The following CTDSPL2 variants were observed in gnomAD, a reference collection of about 807,000 sequenced individuals.
CTDSPL2 encodes the protein CTD small phosphatase like 2.
CTDSPL2 carries 5 observed loss-of-function variants against 60.0 expected under a neutral mutation model. That is an observed-to-expected ratio of 0.08 (90% CI 0.04 to 0.18). The LOEUF (loss-of-function observed/expected upper bound fraction) is 0.18, where lower values mean the gene tolerates loss of function less well. Ranked by LOEUF, CTDSPL2 falls within the 10% of genes least tolerant of loss-of-function variation. CTDSPL2 has a pLI of 1.00. For missense variants in CTDSPL2, 370 were observed against 548.8 expected, an observed-to-expected ratio of 0.67 and a Z score of 3.26; for synonymous variants, 186 against 189.3, an observed-to-expected ratio of 0.98 and a Z score of 0.14.
chr15:44,495,291 T>A (rs931217325), intron 5 of CTDSPL2, among the ~76,000 whole-genome samples: 1 of 152,206 alleles, frequency 6.6e-6, no homozygotes, highest in South Asian at 2.1e-4. Context: ...TTTTTTAAGA[T>A]TATAGTCGTG....
chr15:44,445,858 C>T (rs1049059278), intron 1 of CTDSPL2, among the ~76,000 whole-genome samples: 1 of 149,988 alleles, frequency 6.7e-6, no homozygotes, highest in South Asian at 2.1e-4. Context: ...AGGCTGGTCT[C>T]GAATGCCTGA....
chr15:44,507,789 C>T (rs991425589), intron 8 of CTDSPL2, among the ~76,000 whole-genome samples: 1 of 152,214 alleles, frequency 6.6e-6, no homozygotes, highest in African/African-American at 2.4e-5. Context: ...CATACTCACT[C>T]CAGCTCTTCT....
intron 5 of CTDSPL2, among the ~76,000 whole-genome samples, chr15:44,492,021 T>G (rs1441848574): frequency 6.6e-6 from 1 of 151,648 alleles, no homozygotes. Flanking sequence ...GTGACACCAC[T>G]CCCAGCTATT....
chr15:44,498,642 G>C (rs2081340554), intron 7 of CTDSPL2, among the ~76,000 whole-genome samples: 1 of 152,152 alleles, frequency 6.6e-6, no homozygotes, highest in East Asian at 1.9e-4. Context: ...GCTCACGCTT[G>C]TAATCCCAGC....
At chr15:44,432,447 G>T (rs750143855) in intron 1 of CTDSPL2, among the ~76,000 whole-genome samples, 1 of 150,610 alleles carries the variant, frequency 6.6e-6, no homozygotes, top group Non-Finnish European at 1.5e-5. Flanking sequence ...AGCCTCCCAG[G>T]TAGCTAGGAT....
intron 12 of CTDSPL2, among the ~76,000 whole-genome samples, chr15:44,522,944 G>A (rs1322723090): frequency 6.6e-6 from 1 of 152,042 alleles, no homozygotes; most frequent in Non-Finnish European, 1.5e-5. Context: ...GGCCTCTATT[G>A]CTTGATGAAA....
chr15:44,488,264 A>G (rs1461893865), intron 4 of CTDSPL2, among the ~76,000 whole-genome samples: 1 of 152,190 alleles, frequency 6.6e-6, no homozygotes, highest in Admixed American at 6.5e-5. Context: ...TGAAGAGGCC[A>G]TAGGCAGGTA....
chr15:44,494,555 T>G (rs2081265932), intron 5 of CTDSPL2, among the ~76,000 whole-genome samples: 1 of 151,472 alleles, frequency 6.6e-6, no homozygotes, highest in Non-Finnish European at 1.5e-5. Context: ...CAGTGTTTGC[T>G]CCACTGTGCT....
At chr15:44,486,747 G>T (rs1243437430) in intron 4 of CTDSPL2, 47 bp downstream of exon 4, 3 of 1,239,624 alleles carry the variant, frequency 2.4e-6, no homozygotes, top group Non-Finnish European at 3.3e-6. Context: ...TTAAAAAAAT[G>T]CATAGTTTGG....
At chr15:44,523,228 C>A (rs151059773) in intron 12 of CTDSPL2, among the ~76,000 whole-genome samples, 15 of 152,230 alleles carry the variant, frequency 9.9e-5, no homozygotes, top group African/African-American at 3.6e-4. Flanking sequence ...AACTCCTGAC[C>A]TCAGGTAATC....
chr15:44,509,574 A>G (rs1227676368), intron 8 of CTDSPL2, among the ~76,000 whole-genome samples: 3 of 152,162 alleles, frequency 2.0e-5, no homozygotes, highest in African/African-American at 7.2e-5. Context: ...TCTATATACA[A>G]TTTTTATCTT....
At chr15:44,486,888 C>T (rs1351686324) in intron 4 of CTDSPL2, among the ~76,000 whole-genome samples, 188 bp downstream of exon 4, 2 of 151,408 alleles carry the variant, frequency 1.3e-5, no homozygotes, top group East Asian at 3.9e-4. Context: ...CTCAGCCTTA[C>T]AAGTAGGTGG....
chr15:44,434,127 C>G lies in CTDSPL2; in HGVS notation c.-25+6355C>G, dbSNP rs62024134. Among the ~76,000 whole-genome samples the G allele has an allele frequency of 4.1e-3, 623 of 151,600 alleles. 2 individuals are homozygous for G. Among genetic ancestry groups the G allele is most frequent in the Non-Finnish European group, 7.2e-3 (491 of 67,890 alleles). ...CTTAAGAGATAGGGTCTTGACTGGG[C>G]GTGGTGGCTCACGCTTGTAATCCCA... On this transcript the variant is annotated intron_variant, in intron 1 of 12. Transcript: ENST00000260327.
chr15:44,427,824 C>T (rs1205089887), intron 1 of CTDSPL2, 52 bp downstream of exon 1: 2 of 397,510 alleles, frequency 5.0e-6, no homozygotes, highest in African/African-American at 4.1e-5. Flanking sequence ...AGTCCTCCTC[C>T]TCTTCCAGGG....
Position 44,439,505 on chromosome 15 carries a change from A to T in CTDSPL2, c.-25+11733A>T, listed in dbSNP as rs193266388. On this transcript the variant is annotated intron_variant, in intron 1 of 12. Coordinates refer to ENST00000260327, the MANE Select transcript of CTDSPL2 (RefSeq NM_016396.3). ...AGGTTGAGTATCCCTTATCTGAAAT[A>T]CCTGAGACCGAAAGTCTCTGTATTT... 3.8e-3 allele frequency among the ~76,000 whole-genome samples: 576 copies of T among 150,574 alleles called. 5 individuals carry two copies. Among genetic ancestry groups the T allele is most frequent in the Admixed American group, 6.1e-3 (92 of 15,038 alleles).
At chr15:44,466,184 G>A (rs2080686556) in intron 2 of CTDSPL2, among the ~76,000 whole-genome samples, 1 of 151,978 alleles carries the variant, frequency 6.6e-6, no homozygotes, top group African/African-American at 2.4e-5. Context: ...TGATCCACCC[G>A]CCTCAGCCTC....
intron 2 of CTDSPL2, among the ~76,000 whole-genome samples, chr15:44,478,402 A>AGATT (rs1260679103): frequency 7.9e-6 from 1 of 126,266 alleles, no homozygotes; most frequent in Non-Finnish European, 1.6e-5. Context: ...CAGTGAGCTG[A>AGATT]GATTGCACCA....
At chr15:44,519,533 G>A in intron 11 of CTDSPL2, 1 of 341,276 alleles carries the variant, frequency 2.9e-6, no homozygotes, top group Non-Finnish European at 5.3e-6. Flanking sequence ...TATAAGATAA[G>A]CATCATTGAA....
intron 2 of CTDSPL2, among the ~76,000 whole-genome samples, chr15:44,478,353 G>A (rs1384048555): frequency 2.0e-5 from 3 of 149,172 alleles, no homozygotes; most frequent in Non-Finnish European, 4.5e-5. Context: ...TCGGGAGGCT[G>A]AGGCAGGAAA....
Sources: allele counts gnomAD v4.1 joint callset (sites outside exome capture counted in the v4.1 genomes callset), GRCh38; gene constraint gnomAD v4.1.1; transcripts MANE v1.5; gene names NCBI Gene and HGNC (gene_info 2026-07-23, HGNC 2026-07-21).